The following EML4 variants were observed in gnomAD, a reference collection of about 807,000 sequenced individuals.
EML4 encodes the protein echinoderm microtubule-associated protein-like 4.
EML4 carries 72 observed loss-of-function variants against 129.0 expected under a neutral mutation model. The ratio of observed to expected loss-of-function variants is 0.56; its 90% CI spans 0.46 to 0.68. EML4 has a LOEUF of 0.68. EML4 is among the 30% of genes least tolerant of loss of function. The pLI is 0.00. For missense variants in EML4, 1,363 were observed against 1,190.6 expected (o/e 1.14, Z -2.13); for synonymous variants, 532 against 405.0 (o/e 1.31, Z -3.77).
intron 1 of EML4, among the ~76,000 whole-genome samples, chr2:42,231,238 C>T (rs767278894): frequency 3.3e-5 from 5 of 152,190 alleles, no homozygotes; most frequent in Non-Finnish European, 7.3e-5. Flanking sequence ...AACATTATGT[C>T]TCCTTTCCTG....
chr2:42,284,777 C>A, intron 9 of EML4, 74 bp downstream of exon 9: 2 of 1,081,918 alleles, frequency 1.8e-6, no homozygotes, highest in Non-Finnish European at 2.7e-6. Flanking sequence ...TAATTTTAAC[C>A]ACAACTCATT....
chr2:42,195,634 TA>T (rs1671857940), intron 1 of EML4, among the ~76,000 whole-genome samples: 1 of 152,240 alleles, frequency 6.6e-6, no homozygotes, highest in African/African-American at 2.4e-5. Context: ...ATACCAGCAT[TA>T]AACATGAGTT....
chr2:42,315,406 A>G (rs558985251), intron 17 of EML4, among the ~76,000 whole-genome samples: 1 of 152,356 alleles, frequency 6.6e-6, no homozygotes, highest in Admixed American at 6.5e-5. Context: ...AGTGCCTAGC[A>G]AAGAGACAGG....
At chr2:42,316,202 G>A (rs1669237703) in intron 18 of EML4, 152 bp downstream of exon 18, 2 of 486,886 alleles carry the variant, frequency 4.1e-6, no homozygotes, top group Non-Finnish European at 7.4e-6. Flanking sequence ...ATTAAATTCT[G>A]CTGCCAGAAA....
rs1220634602 is a variant in EML4 at position 42,264,697 on chromosome 2, C to T, written c.642-9C>T. On this transcript the variant is annotated splice_polypyrimidine_tract_variant and intron_variant, in intron 5 of 22. Transcript: ENST00000318522. Reference sequence around the variant, plus strand: ...TAAAATAAATGTGTTTCTTAAATTTCTTTTCTAGGCATAAAGATGTCATCA... The same window carrying T: ...TAAAATAAATGTGTTTCTTAAATTTTTTTTCTAGGCATAAAGATGTCATCA... The T allele has an allele frequency of 5.0e-6, 7 of 1,390,164 alleles. No individual in the cohort carries two copies. Among genetic ancestry groups the T allele is most frequent in the Non-Finnish European group, 7.1e-6 (7 of 991,472 alleles). The allele number at this position is 1,390,164 out of a possible 1,614,324, so 86.1% of individuals were successfully genotyped here.
At chr2:42,320,983 G>C (rs768405311) in intron 19 of EML4, among the ~76,000 whole-genome samples, 1 of 152,100 alleles carries the variant, frequency 6.6e-6, no homozygotes, top group African/African-American at 2.4e-5. Context: ...GAAAAAAAGA[G>C]TAAACACTTT....
rs370364881 is a variant in EML4 at position 42,208,795 on chromosome 2, CT to C, written c.26-36698del. ...TGAGACAGGGTCTCGTTCTGTCTGG[CT>C]TTTTTTTTTTTCAGACACAGAAAGC... On this transcript the variant is annotated intron_variant, in intron 1 of 22. Coordinates refer to ENST00000318522, the MANE Select transcript of EML4 (RefSeq NM_019063.5). 1.8e-3 allele frequency among the ~76,000 whole-genome samples: 255 copies of C among 144,840 alleles called. 1 individual carries two copies. The highest frequency in any genetic ancestry group is 5.1e-3 in the African/African-American group (204 of 39,636).
intron 1 of EML4, among the ~76,000 whole-genome samples, chr2:42,204,190 A>G (rs1014512850): frequency 5.9e-5 from 9 of 152,276 alleles, no homozygotes; most frequent in African/African-American, 2.2e-4. Context: ...AAAGTGCTGT[A>G]ATTACAGGTA....
chr2:42,235,969 A>G (rs546788022), intron 1 of EML4, among the ~76,000 whole-genome samples: 74 of 152,320 alleles, frequency 4.9e-4, no homozygotes, highest in South Asian at 1.7e-3. Context: ...CAGAAGAGAA[A>G]CATCACTGAA....
chr2:42,233,958 T>C (rs1674506671), intron 1 of EML4, among the ~76,000 whole-genome samples: 1 of 152,208 alleles, frequency 6.6e-6, no homozygotes, highest in African/African-American at 2.4e-5. Flanking sequence ...TTAACCAGTT[T>C]AAAGAAGATC....
At chr2:42,194,267 T>A (rs1671770784) in intron 1 of EML4, among the ~76,000 whole-genome samples, 1 of 151,860 alleles carries the variant, frequency 6.6e-6, no homozygotes, top group Non-Finnish European at 1.5e-5. Flanking sequence ...TTTCAATTAT[T>A]TTCTTTATAT....
chr2:42,317,611 T>A, intron 19 of EML4, 87 bp downstream of exon 19: 1 of 834,380 alleles, frequency 1.2e-6, no homozygotes, highest in Non-Finnish European at 1.9e-6. Flanking sequence ...GTGTGTGTTG[T>A]TTCCTGTCGT....
intron 2 of EML4, among the ~76,000 whole-genome samples, chr2:42,252,446 A>C (rs1465507449): frequency 1.3e-5 from 2 of 152,202 alleles, no homozygotes; most frequent in Non-Finnish European, 2.9e-5. Context: ...ACTGCCCTGA[A>C]ATCAGTTCTT....
chr2:42,185,392 G>A (rs545587894), intron 1 of EML4, among the ~76,000 whole-genome samples: 3 of 152,304 alleles, frequency 2.0e-5, no homozygotes, highest in South Asian at 2.1e-4. Context: ...CACTGGCAGC[G>A]TAGAGTAGTA....
intron 19 of EML4, among the ~76,000 whole-genome samples, chr2:42,318,524 TTTTG>T (rs1451006393): frequency 6.6e-6 from 1 of 152,194 alleles, no homozygotes; most frequent in African/African-American, 2.4e-5. Context: ...TCCAAAATAT[TTTTG>T]TTTGCCTTGA....
chr2:42,192,198 C>A (rs1400227379), intron 1 of EML4, among the ~76,000 whole-genome samples: 5 of 138,412 alleles, frequency 3.6e-5, no homozygotes, highest in Non-Finnish European at 3.1e-5. Context: ...GAAAGTTACT[C>A]TTTTCTTTGC....
chr2:42,258,881 A>G (rs1665529782), intron 3 of EML4, among the ~76,000 whole-genome samples: 1 of 152,254 alleles, frequency 6.6e-6, no homozygotes, highest in African/African-American at 2.4e-5. Context: ...ATGTACATTT[A>G]TTTAAAATGT....
chr2:42,172,772 G>T (rs779910497), intron 1 of EML4, among the ~76,000 whole-genome samples: 8 of 151,944 alleles, frequency 5.3e-5, no homozygotes, highest in African/African-American at 1.9e-4. Flanking sequence ...TTAAATCTCA[G>T]GTCTATGTGC....
intron 1 of EML4, among the ~76,000 whole-genome samples, chr2:42,200,617 T>C (rs1672172905): frequency 1.3e-5 from 2 of 152,236 alleles, no homozygotes; most frequent in South Asian, 4.1e-4. Flanking sequence ...TCAGAAATTC[T>C]GGCACTAATT....
Sources: gnomAD v4.1 joint callset for allele counts (sites outside exome capture counted in the v4.1 genomes callset) on GRCh38, gnomAD v4.1.1 for gene constraint, MANE v1.5 for transcripts, NCBI Gene and HGNC (gene_info 2026-07-23, HGNC 2026-07-21) for gene names.